The following WWOX variants were observed in gnomAD, a reference collection of about 807,000 sequenced individuals.
The protein encoded by WWOX is WW domain containing oxidoreductase, also known as WW domain-containing oxidoreductase.
In WWOX, 69 loss-of-function variants were observed where a neutral mutation model predicts 46.2. That is an observed-to-expected ratio of 1.49 (90% CI 1.23 to 1.82). The LOEUF is 1.82. Ranked by LOEUF, WWOX falls within the 40% of genes most tolerant of loss-of-function variation. The probability of loss-of-function intolerance (pLI) is 0.00; values close to 1 mark genes in which losing one functional copy is unlikely to be tolerated. For missense variants in WWOX, 919 were observed against 542.6 expected, an observed-to-expected ratio of 1.69 and a Z score of -6.89; for synonymous variants, 359 against 202.6, an observed-to-expected ratio of 1.77 and a Z score of -6.56.
intron 8 of WWOX, among the ~76,000 whole-genome samples, chr16:79,086,812 G>A (rs561260906): frequency 2.0e-5 from 3 of 152,326 alleles, no homozygotes; most frequent in South Asian, 2.1e-4. Context: ...CACGCTGGGA[G>A]GTGAAGGATG....
intron 8 of WWOX, among the ~76,000 whole-genome samples, chr16:78,641,650 A>G (rs926376176): frequency 6.6e-6 from 1 of 152,164 alleles, no homozygotes; most frequent in Non-Finnish European, 1.5e-5. Flanking sequence ...TAACCCAAGC[A>G]AGAGGTAGTT....
At chr16:78,630,552 C>T (rs1365546446) in intron 8 of WWOX, among the ~76,000 whole-genome samples, 2 of 152,160 alleles carry the variant, frequency 1.3e-5, no homozygotes, top group African/African-American at 2.4e-5. Context: ...TTTCACAGCT[C>T]ATTTCTGGGG....
At chr16:78,653,924 A>G (rs1470574378) in intron 8 of WWOX, among the ~76,000 whole-genome samples, 1 of 152,220 alleles carries the variant, frequency 6.6e-6, no homozygotes. Context: ...GAGAGGTCTG[A>G]GCAAACGTCT....
At chr16:78,262,167 A>G (rs1426228610) in intron 5 of WWOX, among the ~76,000 whole-genome samples, 1 of 151,496 alleles carries the variant, frequency 6.6e-6, no homozygotes, top group Non-Finnish European at 1.5e-5. Flanking sequence ...TGAATTACAA[A>G]TAGTACCAGT....
intron 8 of WWOX, among the ~76,000 whole-genome samples, chr16:78,497,064 A>T (rs2084934952): frequency 6.6e-6 from 1 of 152,230 alleles, no homozygotes. Flanking sequence ...GGGATGTTGG[A>T]TGCTAAGGCC....
Position 78,101,346 on chromosome 16 carries a change from C to CTTTTTTTTTTTTTTTTTTTTTTTT in WWOX, c.107+1478_107+1479insTTTTTTTTTTTTTTTTTTTTTTTT, listed in dbSNP as rs71137871. Among the ~76,000 whole-genome samples the CTTTTTTTTTTTTTTTTTTTTTTTT allele has an allele frequency of 5.4e-4, 36 of 66,846 alleles. 9 individuals carry two copies. The highest frequency in any genetic ancestry group is 2.4e-3 in the South Asian group (3 of 1,244). 43.9% of individuals were successfully genotyped at this position (66,846 alleles called of 152,430 possible). A position where few individuals can be genotyped will look rare whatever the true frequency, so the allele number is the denominator to read the frequency against. Reference sequence around the variant, plus strand: ...ACAGGCGTGAGCTACCGCTCCCGGCCTTTTTTTTTTTTTTTTTAAAGACAG... The same window carrying CTTTTTTTTTTTTTTTTTTTTTTTT: ...ACAGGCGTGAGCTACCGCTCCCGGCCTTTTTTTTTTTTTTTTTTTTTTTTTTTTTTTTTTTTTTTTTAAAGACAG... On this transcript the variant is annotated intron_variant, in intron 1 of 8. Transcript: ENST00000566780.
intron 5 of WWOX, chr16:78,355,388 G>C (rs2087601001): frequency 4.1e-6 from 1 of 241,484 alleles, no homozygotes; most frequent in East Asian, 1.2e-4. Context: ...GAATCACGAG[G>C]TCAGGAGATC....
At chr16:78,885,119 T>G (rs542334626) in intron 8 of WWOX, among the ~76,000 whole-genome samples, 1 of 152,110 alleles carries the variant, frequency 6.6e-6, no homozygotes, top group East Asian at 1.9e-4. Context: ...TCTGTTAGTT[T>G]GTGGAGTGGG....
intron 6 of WWOX, among the ~76,000 whole-genome samples, chr16:78,401,136 A>C (rs2082403201): frequency 1.3e-5 from 2 of 152,208 alleles, no homozygotes; most frequent in Non-Finnish European, 2.9e-5. Context: ...TTTTCTTTGA[A>C]GAGAATGATA....
chr16:78,178,330 T>G (rs1038280065), intron 5 of WWOX, among the ~76,000 whole-genome samples: 17 of 152,220 alleles, frequency 1.1e-4, no homozygotes, highest in African/African-American at 4.1e-4. Context: ...TCAGCCAGCC[T>G]CTAGCCCAAA....
chr16:78,298,590 G>A (rs754644843), intron 5 of WWOX, among the ~76,000 whole-genome samples: 1 of 152,084 alleles, frequency 6.6e-6, no homozygotes, highest in Non-Finnish European at 1.5e-5. Flanking sequence ...TCAGGAGTTC[G>A]AGACCAGCCT....
chr16:78,524,658 A>T (rs1386928490), intron 8 of WWOX, among the ~76,000 whole-genome samples: 1 of 151,664 alleles, frequency 6.6e-6, no homozygotes, highest in East Asian at 1.9e-4. Flanking sequence ...TGACCTCGTG[A>T]TCCACCCGCC....
chr16:78,709,944 T>C (rs2048404390), intron 8 of WWOX, among the ~76,000 whole-genome samples: 1 of 152,086 alleles, frequency 6.6e-6, no homozygotes, highest in African/African-American at 2.4e-5. Context: ...TTGCCCAGGA[T>C]GGTCTTGAAC....
rs530742405 is a variant in WWOX at position 78,705,897 on chromosome 16, C to G, written c.1056+273145C>G. Among the ~76,000 whole-genome samples the G allele has an allele frequency of 3.9e-5, 6 of 152,176 alleles. No individual in the cohort carries two copies. In the South Asian group the frequency reaches 1.0e-3, roughly 26 times the overall value. ...GTGTATCTTGAGTAAGGAATATGAC[C>G]TGCTAGATATAAGCATCTGTTTATT... On this transcript the variant is annotated intron_variant, in intron 8 of 8. Coordinates refer to ENST00000566780, the MANE Select transcript of WWOX (RefSeq NM_016373.4).
At chr16:78,366,607 G>C (rs144570071) in intron 5 of WWOX, among the ~76,000 whole-genome samples, 1 of 152,320 alleles carries the variant, frequency 6.6e-6, no homozygotes, top group South Asian at 2.1e-4. Context: ...TGTAATTAAA[G>C]TTTTACTGGA....
At chr16:78,937,252 A>G (rs1319704482) in intron 8 of WWOX, among the ~76,000 whole-genome samples, 1 of 152,122 alleles carries the variant, frequency 6.6e-6, no homozygotes, top group Admixed American at 6.5e-5. Context: ...ATTTACCTGA[A>G]AGTGACCCAA....
intron 7 of WWOX, among the ~76,000 whole-genome samples, chr16:78,429,557 G>C (rs1027878608): frequency 2.6e-5 from 4 of 152,038 alleles, no homozygotes; most frequent in African/African-American, 7.2e-5. Flanking sequence ...GAGAGGGAGG[G>C]GGTGGTGCTA....
In WWOX at chr16:78,363,256, T is replaced by C. The variant is rs549920082; in HGVS notation, c.517-23604T>C. On this transcript the variant is annotated intron_variant, in intron 5 of 8. Coordinates refer to ENST00000566780, the MANE Select transcript of WWOX (RefSeq NM_016373.4). The stretch of plus-strand genomic sequence containing the variant: ...TTTTTAAAATGTTGCTTTTAGAGTA[T>C]GTGCAAGTTTGGGGCATTTTTGAGG... Among the ~76,000 whole-genome samples the C allele has an allele frequency of 2.6e-5, 4 of 151,852 alleles. No homozygotes were observed. In the South Asian group the frequency reaches 8.3e-4, roughly 32 times the overall value.
At chr16:78,732,117 G>A (rs1171113539) in intron 8 of WWOX, among the ~76,000 whole-genome samples, 1 of 152,072 alleles carries the variant, frequency 6.6e-6, no homozygotes, top group Admixed American at 6.5e-5. Context: ...TCCTGCCGTG[G>A]TCTCCAAAAG....
Sources: gnomAD v4.1 joint callset for allele counts (sites outside exome capture counted in the v4.1 genomes callset) on GRCh38, gnomAD v4.1.1 for gene constraint, MANE v1.5 for transcripts, NCBI Gene and HGNC (gene_info 2026-07-23, HGNC 2026-07-21) for gene names.